The following CA13 variants were observed in gnomAD, a reference collection of about 807,000 sequenced individuals.
CA13 encodes the protein CA-XIII.
Under a neutral mutation model 31.5 loss-of-function variants are expected in CA13, and 21 were observed. That is an observed-to-expected ratio of 0.67 (90% confidence interval 0.47 to 0.96). The LOEUF (loss-of-function observed/expected upper bound fraction) is 0.96, where lower values mean the gene tolerates loss of function less well. CA13 is among the 40% of genes least tolerant of loss of function. The probability of loss-of-function intolerance (pLI) is 0.00; values close to 1 mark genes in which losing one functional copy is unlikely to be tolerated. For missense variants in CA13, 315 were observed against 318.9 expected, an observed-to-expected ratio of 0.99 and a Z score of 0.09; for synonymous variants, 117 against 111.4, an observed-to-expected ratio of 1.05 and a Z score of -0.32.
chr8:85,261,433 A>ATT (rs554558480), intron 3 of CA13, among the ~76,000 whole-genome samples: 9 of 149,674 alleles, frequency 6.0e-5, no homozygotes, highest in African/African-American at 2.0e-4. Context: ...TATTTTATTT[A>ATT]TTTTTTTTTT....
At chr8:85,250,999 CTCTT>C in intron 2 of CA13, 62 bp downstream of exon 2, 4 of 903,644 alleles carry the variant, frequency 4.4e-6, no homozygotes, top group Non-Finnish European at 6.5e-6. Context: ...TTAGACTATA[CTCTT>C]TTTTTTTTTT....
chr8:85,278,277 A>AG (rs1807647111), intron 6 of CA13, among the ~76,000 whole-genome samples: 2 of 151,346 alleles, frequency 1.3e-5, no homozygotes, highest in Non-Finnish European at 2.9e-5. Context: ...AAAAAAAAAA[A>AG]AAAAAAAAAA....
Position 85,261,891 on chromosome 8 carries a change from G to A in CA13, c.354+2352G>A, listed in dbSNP as rs75093031. Among the ~76,000 whole-genome samples the A allele has an allele frequency of 6.6e-5, 10 of 151,926 alleles. No homozygotes were observed. In the East Asian group the frequency reaches 1.9e-3, roughly 30 times the overall value. On this transcript the variant is annotated intron_variant, in intron 3 of 6. Transcript: ENST00000321764. ...GACAGGCTCTCGATCTGTTGCCCAGGCTAGAGTGCCATGGTACAAACATGG... is the reference window on the plus strand; with the variant it reads ...GACAGGCTCTCGATCTGTTGCCCAGACTAGAGTGCCATGGTACAAACATGG...
Position 85,245,871 on chromosome 8 carries a change from C to T in CA13, c.37+6C>T, listed in dbSNP as rs756267813. The T allele has an allele frequency of 1.2e-6, 2 of 1,614,142 alleles. No individual in the cohort carries two copies. Among genetic ancestry groups the T allele is most frequent in the South Asian group, 2.2e-5 (2 of 91,076 alleles). On this transcript the variant is annotated splice_donor_region_variant and intron_variant, in intron 1 of 6. Coordinates refer to ENST00000321764, the MANE Select transcript of CA13 (RefSeq NM_198584.3). Reference sequence around the variant, plus strand: ...GGGATACCGCGAGCACAACGGTGAGCGCCTTTTCCTGATCCAAGGGGGGGT... The same window carrying T: ...GGGATACCGCGAGCACAACGGTGAGTGCCTTTTCCTGATCCAAGGGGGGGT...
intron 1 of CA13, 108 bp downstream of exon 1, chr8:85,245,973 T>A: frequency 7.7e-7 from 1 of 1,293,290 alleles, no homozygotes; most frequent in Non-Finnish European, 1.1e-6. Context: ...ATTGAGAAAC[T>A]TTTTCGGTTC....
chr8:85,266,615 T>C lies in CA13; in HGVS notation c.362T>C (p.Val121Ala). 1 of 1,613,260 alleles carries C rather than the reference T, an allele frequency of 6.2e-7. No homozygotes were observed. The highest frequency in any genetic ancestry group is 8.5e-7 in the Non-Finnish European group (1 of 1,179,294). The change falls in exon 4 of 7, where the codon GTT becomes GCT. Residue 121 changes from valine (V) to alanine (A), a missense_variant. Coordinates refer to ENST00000321764, the MANE Select transcript of CA13 (RefSeq NM_198584.3). ...TGTATATCTCCCTTTCAGCTCCATG[T>C]TGTTCACTGGAATTCAGACAAATAC... is the stretch of plus-strand genomic sequence containing the variant. ...DGVSYAAELH[V>A]VHWNSDKYPS...
chr8:85,249,476 C>CA (rs1458236807), intron 1 of CA13, among the ~76,000 whole-genome samples: 2 of 130,096 alleles, frequency 1.5e-5, no homozygotes, highest in Non-Finnish European at 3.2e-5. Flanking sequence ...GCCTGGGTAA[C>CA]AGAGCAAGAC....
chr8:85,255,341 C>T (rs991791144), intron 2 of CA13, among the ~76,000 whole-genome samples: 2 of 151,754 alleles, frequency 1.3e-5, no homozygotes, highest in African/African-American at 4.8e-5. Flanking sequence ...CAGCTCACTA[C>T]AACCTCTGCC....
chr8:85,259,580 A>G (rs1807349938), intron 3 of CA13, 41 bp downstream of exon 3: 1 of 1,542,308 alleles, frequency 6.5e-7, no homozygotes, highest in Non-Finnish European at 9.0e-7. Flanking sequence ...GTTTTCCCAC[A>G]TGGTGGAATT....
chr8:85,246,592 GATAA>G (rs750917258), intron 1 of CA13: 1 of 441,388 alleles, frequency 2.3e-6, no homozygotes, highest in South Asian at 1.6e-5. Context: ...GTATTAATAG[GATAA>G]ATAATAATGA....
At chr8:85,259,372 A>G in intron 2 of CA13, 49 bp from the exon 3 acceptor site, 1 of 1,454,430 alleles carries the variant, frequency 6.9e-7, no homozygotes, top group Non-Finnish European at 9.7e-7. Context: ...TGAGCAGCTT[A>G]TGTAAATATT....
chr8:85,248,573 G>C (rs1015897080), intron 1 of CA13, among the ~76,000 whole-genome samples: 2 of 152,036 alleles, frequency 1.3e-5, no homozygotes, highest in Non-Finnish European at 2.9e-5. Context: ...TAGCCTGCAG[G>C]GTCATGGGGG....
intron 2 of CA13, among the ~76,000 whole-genome samples, chr8:85,252,838 A>G (rs182404329): frequency 2.0e-4 from 30 of 152,348 alleles, no homozygotes; most frequent in African/African-American, 7.0e-4. Flanking sequence ...TTAGATTAGT[A>G]GTAATATCTT....
intron 1 of CA13, 107 bp downstream of exon 1, chr8:85,245,972 CTT>C: frequency 3.8e-6 from 5 of 1,305,808 alleles, no homozygotes; most frequent in Non-Finnish European, 5.5e-6. Flanking sequence ...CATTGAGAAA[CTT>C]TTTCGGTTCC....
rs116886264 is a variant in CA13, at chr8:85,250,266, G to A, written c.38-474G>A. On this transcript the variant is annotated intron_variant, in intron 1 of 6. Transcript: ENST00000321764. ...TAGACGATAGCATTGAGTGATAGAA[G>A]GAAGAATAAAGAAGTAAGCACAGCA... 4.9e-3 allele frequency among the ~76,000 whole-genome samples: 745 copies of A among 152,228 alleles called. 4 individuals carry two copies. The highest frequency in any genetic ancestry group is 0.025 in the South Asian group (119 of 4,804).
At chr8:85,252,023 T>C (rs1813838966) in intron 2 of CA13, among the ~76,000 whole-genome samples, 1 of 152,136 alleles carries the variant, frequency 6.6e-6, no homozygotes, top group Non-Finnish European at 1.5e-5. Flanking sequence ...TTTGGGAGGC[T>C]GAGGTGGGAG....
chr8:85,283,739 A>G lies in CA13; in HGVS notation c.*2390A>G, dbSNP rs999503086. On this transcript the variant is annotated 3_prime_UTR_variant, in exon 7 of 7. Coordinates refer to ENST00000321764, the MANE Select transcript of CA13 (RefSeq NM_198584.3). ...GGCATGTAGGACAGGGGTTCTAATTACTGTCTGTGAGAGTTACTACTTTGT... is the reference window on the plus strand; with the variant it reads ...GGCATGTAGGACAGGGGTTCTAATTGCTGTCTGTGAGAGTTACTACTTTGT... 1 of 152,616 alleles carries G rather than the reference A, an allele frequency of 6.6e-6. No individual in the cohort carries two copies. Among genetic ancestry groups the G allele is most frequent in the African/African-American group, 2.4e-5 (1 of 41,462 alleles). 9.5% of individuals were successfully genotyped at this position (152,616 alleles called of 1,614,324 possible). A position where few individuals can be genotyped will look rare whatever the true frequency, so the allele number is the denominator to read the frequency against.
At chr8:85,248,794 A>G (rs1181984986) in intron 1 of CA13, among the ~76,000 whole-genome samples, 1 of 152,216 alleles carries the variant, frequency 6.6e-6, no homozygotes, top group Non-Finnish European at 1.5e-5. Context: ...GAGCAAAGCA[A>G]TTAGGAGAAG....
intron 6 of CA13, among the ~76,000 whole-genome samples, chr8:85,280,540 G>A (rs1389517690): frequency 6.6e-6 from 1 of 152,146 alleles, no homozygotes; most frequent in Admixed American, 6.5e-5. Context: ...GAGAATGTAG[G>A]TTCTCATTCC....
Sources: gnomAD v4.1 joint callset for allele counts (sites outside exome capture counted in the v4.1 genomes callset) on GRCh38, gnomAD v4.1.1 for gene constraint, MANE v1.5 for transcripts, NCBI Gene and HGNC (gene_info 2026-07-23, HGNC 2026-07-21) for gene names.